ITGA1: variants seen among roughly 807,000 people sequenced by gnomAD.
The protein encoded by ITGA1 is integrin alpha-1.
ITGA1 carries 85 observed loss-of-function variants against 145.9 expected under a neutral mutation model. That is an observed-to-expected ratio of 0.58 (90% CI 0.49 to 0.70). ITGA1 has a LOEUF of 0.70. Among genes scored for constraint, ITGA1 ranks in the 30% least tolerant of loss-of-function variants. The probability of loss-of-function intolerance (pLI) is 0.00; values close to 1 mark genes in which losing one functional copy is unlikely to be tolerated. For synonymous variants in ITGA1, 520 were observed against 495.3 expected (o/e 1.05, Z -0.66); for missense variants, 1,351 against 1,418.7 (o/e 0.95, Z 0.77).
At chr5:52,903,748 A>G (rs1054791833) in intron 11 of ITGA1, 2 of 152,210 alleles carry the variant, frequency 1.3e-5, no homozygotes, top group Non-Finnish European at 2.9e-5. Context: ...TAAAAGAGTT[A>G]TTCCTTTTAT....
chr5:52,869,419 C>T (rs1338276224), intron 6 of ITGA1, among the ~76,000 whole-genome samples: 1 of 152,178 alleles, frequency 6.6e-6, no homozygotes, highest in Non-Finnish European at 1.5e-5. Flanking sequence ...CCTCGGCCTC[C>T]CAAGGTGCTG....
At chr5:52,872,884 G>A (rs1272234851) in intron 6 of ITGA1, among the ~76,000 whole-genome samples, 1 of 152,032 alleles carries the variant, frequency 6.6e-6, no homozygotes, top group Non-Finnish European at 1.5e-5. Context: ...CCTCTCCTAT[G>A]TTCCCATAGC....
At chr5:52,900,739 T>G (rs917069839) in intron 11 of ITGA1, among the ~76,000 whole-genome samples, 1 of 152,106 alleles carries the variant, frequency 6.6e-6, no homozygotes, top group African/African-American at 2.4e-5. Flanking sequence ...GGCAAATTAC[T>G]CTCCCCCTCA....
intron 13 of ITGA1, among the ~76,000 whole-genome samples, chr5:52,909,345 G>A (rs1054966425): frequency 6.6e-6 from 1 of 152,046 alleles, no homozygotes; most frequent in Non-Finnish European, 1.5e-5. Context: ...TAGGCTGGGA[G>A]GCTTATCAGC....
intron 11 of ITGA1, 70 bp from the exon 12 acceptor site, chr5:52,905,693 A>G (rs187775576): frequency 1.4e-4 from 176 of 1,279,400 alleles, no homozygotes; most frequent in Admixed American, 4.0e-4. Context: ...GCCATTTAAA[A>G]AGAGTCTTAA....
At chr5:52,858,487 A>T (rs776491533) in intron 2 of ITGA1, among the ~76,000 whole-genome samples, 4 of 152,200 alleles carry the variant, frequency 2.6e-5, no homozygotes, top group African/African-American at 4.8e-5. Context: ...ATTGTGTTTT[A>T]TTCACTTTTG....
chr5:52,915,700 C>A, intron 15 of ITGA1, 106 bp downstream of exon 15: 1 of 1,348,408 alleles, frequency 7.4e-7, no homozygotes, highest in Non-Finnish European at 1.0e-6. Flanking sequence ...CTTTTGTGTT[C>A]CACTATGCAA....
chr5:52,944,196 C>T (rs1751096263), intron 26 of ITGA1, among the ~76,000 whole-genome samples: 1 of 152,182 alleles, frequency 6.6e-6, no homozygotes, highest in Admixed American at 6.5e-5. Context: ...TCCATGCTAG[C>T]TGAAGCCCTG....
intron 1 of ITGA1, among the ~76,000 whole-genome samples, chr5:52,805,418 T>C (rs1046716042): frequency 2.0e-5 from 3 of 151,986 alleles, no homozygotes; most frequent in African/African-American, 7.3e-5. Flanking sequence ...AATGGCCTTA[T>C]CAAAGGCAGC....
intron 15 of ITGA1, among the ~76,000 whole-genome samples, chr5:52,916,782 T>C (rs1750654834): frequency 6.6e-6 from 1 of 152,190 alleles, no homozygotes; most frequent in Non-Finnish European, 1.5e-5. Context: ...TTGTTTGAAA[T>C]GTTAATCCTG....
intron 1 of ITGA1, among the ~76,000 whole-genome samples, chr5:52,811,490 T>C (rs1458592939): frequency 3.3e-5 from 5 of 152,152 alleles, no homozygotes; most frequent in Non-Finnish European, 7.4e-5. Context: ...TTTTAAAAGC[T>C]GCCAGATTTG....
intron 14 of ITGA1, among the ~76,000 whole-genome samples, chr5:52,910,906 G>A (rs1460613858): frequency 7.6e-6 from 1 of 132,028 alleles, no homozygotes; most frequent in African/African-American, 2.9e-5. Context: ...TAGTATATAC[G>A]GTATGTATAC....
intron 14 of ITGA1, among the ~76,000 whole-genome samples, chr5:52,912,183 A>ATG (rs1388710517): frequency 2.8e-5 from 4 of 143,598 alleles, no homozygotes; most frequent in African/African-American, 7.5e-5. Context: ...GTATATAGAT[A>ATG]CGCTATATAT....
At chr5:52,807,400 C>A (rs1027834063) in intron 1 of ITGA1, among the ~76,000 whole-genome samples, 1 of 132,588 alleles carries the variant, frequency 7.5e-6, no homozygotes, top group Non-Finnish European at 1.6e-5. Flanking sequence ...TTTGTCATTA[C>A]TATTTTCTGA....
chr5:52,885,224 C>T (rs1410032952), intron 7 of ITGA1, among the ~76,000 whole-genome samples: 1 of 152,084 alleles, frequency 6.6e-6, no homozygotes. Context: ...TTTACAGAGG[C>T]TTGATCACAG....
intron 1 of ITGA1, among the ~76,000 whole-genome samples, chr5:52,795,909 A>C (rs924491630): frequency 6.6e-6 from 1 of 151,984 alleles, no homozygotes; most frequent in Non-Finnish European, 1.5e-5. Context: ...CCATCCAGGA[A>C]AGACCATATT....
At chr5:52,832,105 C>T (rs912272984) in intron 1 of ITGA1, among the ~76,000 whole-genome samples, 8 of 152,068 alleles carry the variant, frequency 5.3e-5, no homozygotes, top group African/African-American at 1.7e-4. Context: ...CTCTCCTTCC[C>T]TCATCTTGAT....
At chr5:52,850,356 T>G (rs1749410881) in intron 2 of ITGA1, among the ~76,000 whole-genome samples, 1 of 152,156 alleles carries the variant, frequency 6.6e-6, no homozygotes, top group South Asian at 2.1e-4. Flanking sequence ...AACTGAATAT[T>G]AGAGTTCTTT....
intron 8 of ITGA1, 134 bp from the exon 9 acceptor site, chr5:52,893,541 A>G (rs1750182442): frequency 4.3e-6 from 3 of 696,626 alleles, no homozygotes; most frequent in Non-Finnish European, 6.6e-6. Flanking sequence ...TCACTCTTCC[A>G]TAAATATGAA....
Sources: allele counts gnomAD v4.1 joint callset (sites outside exome capture counted in the v4.1 genomes callset), GRCh38; gene constraint gnomAD v4.1.1; transcripts MANE v1.5; gene names NCBI Gene and HGNC (gene_info 2026-07-23, HGNC 2026-07-21).